The following TTC4 variants were observed in gnomAD, a reference collection of about 807,000 sequenced individuals.
TTC4 encodes the protein tetratricopeptide repeat domain 4.
TTC4 carries 36 observed loss-of-function variants against 51.9 expected under a neutral mutation model. The ratio of observed to expected loss-of-function variants is 0.69; its 90% confidence interval spans 0.53 to 0.92. TTC4 has a LOEUF of 0.92. Ranked by LOEUF, TTC4 falls within the 40% of genes least tolerant of loss-of-function variation. TTC4 has a pLI of 0.00. For synonymous variants in TTC4, 144 were observed against 164.2 expected (o/e 0.88, Z 0.94); for missense variants, 399 against 454.6 (o/e 0.88, Z 1.11).
intron 7 of TTC4, 141 bp downstream of exon 7, chr1:54,731,841 C>A: frequency 1.3e-6 from 1 of 769,192 alleles, no homozygotes; most frequent in Non-Finnish European, 2.0e-6. Flanking sequence ...ATAATAACCT[C>A]TCTATCCTGT....
intron 6 of TTC4, among the ~76,000 whole-genome samples, chr1:54,729,005 T>C (rs1485549284): frequency 1.3e-5 from 2 of 152,228 alleles, no homozygotes; most frequent in African/African-American, 4.8e-5. Context: ...GGAGGTAGTT[T>C]ATAGCTTCTA....
At chr1:54,716,248 T>G (rs1645674319) in intron 1 of TTC4, 1 of 562,152 alleles carries the variant, frequency 1.8e-6, no homozygotes, top group South Asian at 2.2e-5. Context: ...GGCTCTGATA[T>G]GAGTCAGTTA....
intron 3 of TTC4, among the ~76,000 whole-genome samples, chr1:54,720,790 G>T (rs1645734106): frequency 6.6e-6 from 1 of 151,984 alleles, no homozygotes; most frequent in Non-Finnish European, 1.5e-5. Flanking sequence ...GAAAATTGTT[G>T]TGTCAAAGTA....
At chr1:54,734,919 T>C (rs1645916660) in intron 8 of TTC4, among the ~76,000 whole-genome samples, 1 of 152,226 alleles carries the variant, frequency 6.6e-6, no homozygotes, top group Admixed American at 6.5e-5. Flanking sequence ...ATTAATTCAC[T>C]GTTACCATCT....
At chr1:54,717,960 T>C (rs1204561240) in intron 3 of TTC4, among the ~76,000 whole-genome samples, 1 of 152,164 alleles carries the variant, frequency 6.6e-6, no homozygotes, top group African/African-American at 2.4e-5. Context: ...AAAAATGTGT[T>C]TTTCTGGCCT....
At chr1:54,739,355 C>T (rs1415309686) in intron 9 of TTC4, among the ~76,000 whole-genome samples, 1 of 152,148 alleles carries the variant, frequency 6.6e-6, no homozygotes, top group African/African-American at 2.4e-5. Context: ...TGAAGTCAGA[C>T]CCATCATCAT....
intron 3 of TTC4, 147 bp downstream of exon 3, chr1:54,717,800 C>A: frequency 1.5e-6 from 1 of 675,108 alleles, no homozygotes; most frequent in Non-Finnish European, 2.2e-6. Flanking sequence ...CTCTGGTCTT[C>A]CAAGTTGACA....
intron 9 of TTC4, among the ~76,000 whole-genome samples, chr1:54,739,307 G>A (rs558517067): frequency 4.6e-5 from 7 of 152,072 alleles, no homozygotes; most frequent in African/African-American, 1.2e-4. Flanking sequence ...CCAGTGACCC[G>A]GCTCCTGATA....
intron 5 of TTC4, among the ~76,000 whole-genome samples, chr1:54,727,650 G>A (rs1468873718): frequency 4.6e-5 from 6 of 130,638 alleles, no homozygotes; most frequent in Admixed American, 9.5e-5. Flanking sequence ...CCAGGAATTC[G>A]AGACCAACCT....
At chr1:54,739,908 G>A (rs534907857) in intron 9 of TTC4, among the ~76,000 whole-genome samples, 10 of 152,284 alleles carry the variant, frequency 6.6e-5, no homozygotes, top group Admixed American at 5.2e-4. Flanking sequence ...AGAATAGGCC[G>A]GGTACAGTGG....
At chr1:54,733,773 TGCGGC>T in intron 8 of TTC4, 63 bp downstream of exon 8, 1 of 744,472 alleles carries the variant, frequency 1.3e-6, no homozygotes, top group Non-Finnish European at 2.0e-6. Context: ...TTTTTTTTTT[TGCGGC>T]GGGGGAAGCA....
chr1:54,733,741 G>A (rs1212528957), intron 8 of TTC4, 31 bp downstream of exon 8: 1 of 1,090,894 alleles, frequency 9.2e-7, no homozygotes, highest in Admixed American at 2.6e-5. Context: ...TTCCTCTATG[G>A]AATTAATTTT....
chr1:54,739,835 A>T (rs1483812846), intron 9 of TTC4, among the ~76,000 whole-genome samples: 1 of 152,246 alleles, frequency 6.6e-6, no homozygotes, highest in Admixed American at 6.5e-5. Flanking sequence ...CGTAAACTTT[A>T]TCCTGATTGT....
At chr1:54,725,951 A>AG (rs1236839250) in intron 5 of TTC4, among the ~76,000 whole-genome samples, 2 of 152,182 alleles carry the variant, frequency 1.3e-5, no homozygotes, top group Non-Finnish European at 2.9e-5. Context: ...GAAAAGAATA[A>AG]GGATGAAGAG....
chr1:54,738,411 G>A (rs1207121220), intron 9 of TTC4, among the ~76,000 whole-genome samples: 4 of 152,096 alleles, frequency 2.6e-5, no homozygotes, highest in Non-Finnish European at 4.4e-5. Context: ...GTAGAGCCAG[G>A]TTCTCATTCC....
At chr1:54,727,318 G>A (rs528937813) in intron 5 of TTC4, among the ~76,000 whole-genome samples, 1 of 152,222 alleles carries the variant, frequency 6.6e-6, no homozygotes, top group South Asian at 2.1e-4. Flanking sequence ...GGAGAATGAA[G>A]CTAGAACTTT....
At chr1:54,721,261 G>C (rs1254973625) in intron 4 of TTC4, 21 bp downstream of exon 4, 1 of 1,610,278 alleles carries the variant, frequency 6.2e-7, no homozygotes, top group African/African-American at 1.3e-5. Flanking sequence ...TGGAACTACA[G>C]TATGACATTT....
chr1:54,729,802 C>T (rs1444847845), intron 6 of TTC4, among the ~76,000 whole-genome samples: 1 of 151,530 alleles, frequency 6.6e-6, no homozygotes, highest in Non-Finnish European at 1.5e-5. Context: ...CGGCTCACTG[C>T]AGCCTCCACT....
intron 5 of TTC4, among the ~76,000 whole-genome samples, chr1:54,723,677 A>T (rs1032257695): frequency 6.6e-6 from 1 of 152,330 alleles, no homozygotes; most frequent in African/African-American, 2.4e-5. Flanking sequence ...GTAGAAGGAG[A>T]ATTAAAATAT....
Sources: allele counts gnomAD v4.1 joint callset (sites outside exome capture counted in the v4.1 genomes callset), GRCh38; gene constraint gnomAD v4.1.1; transcripts MANE v1.5; gene names NCBI Gene and HGNC (gene_info 2026-07-23, HGNC 2026-07-21).